Variants in FBLN2 observed in about 807,000 individuals in gnomAD.
FBLN2 encodes the protein fibulin 2.
A neutral mutation model predicts 123.7 loss-of-function variants in FBLN2; 81 were observed. The ratio of observed to expected loss-of-function variants is 0.65; its 90% CI spans 0.55 to 0.79. The LOEUF (loss-of-function observed/expected upper bound fraction) is 0.79. Among genes scored for constraint, FBLN2 ranks in the 30% least tolerant of loss-of-function variants. FBLN2 has a pLI of 0.00. For missense variants in FBLN2, 1,603 were observed against 1,681.3 expected, an observed-to-expected ratio of 0.95 and a Z score of 0.81; for synonymous variants, 699 against 701.4, an observed-to-expected ratio of 1.00 and a Z score of 0.05.
chr3:13,609,679 T>TGGTGGGGGGGGG, intron 4 of FBLN2, 37 bp downstream of exon 4: 1 of 80,284 alleles, frequency 1.2e-5, no homozygotes, highest in Non-Finnish European at 2.2e-5. Context: ...CAGGGTGGGG[T>TGGTGGGGGGGGG]GGGGCGGGGC....
chr3:13,634,388 C>T (rs912931597), intron 16 of FBLN2, among the ~76,000 whole-genome samples: 6 of 152,262 alleles, frequency 3.9e-5, no homozygotes, highest in Admixed American at 2.0e-4. Context: ...CTGACCGCCT[C>T]CCGCGAGCTT....
At chr3:13,615,375 G>A (rs1705562233) in intron 5 of FBLN2, among the ~76,000 whole-genome samples, 1 of 152,212 alleles carries the variant, frequency 6.6e-6, no homozygotes. Context: ...CTGTTCCTAT[G>A]GACCGTCATC....
chr3:13,602,253 C>T (rs369867591), intron 2 of FBLN2, among the ~76,000 whole-genome samples: 16 of 152,166 alleles, frequency 1.1e-4, no homozygotes, highest in South Asian at 6.2e-4. Flanking sequence ...ATTCAATTCC[C>T]GTATGCACAT....
chr3:13,586,667 T>TG (rs1704514812), intron 2 of FBLN2, among the ~76,000 whole-genome samples: 1 of 147,398 alleles, frequency 6.8e-6, no homozygotes, highest in African/African-American at 2.5e-5. Context: ...CCAGCTAATT[T>TG]TTTTTTTTTT....
intron 7 of FBLN2, among the ~76,000 whole-genome samples, chr3:13,619,236 G>A (rs887588781): frequency 2.0e-5 from 3 of 152,200 alleles, no homozygotes; most frequent in African/African-American, 4.8e-5. Flanking sequence ...AGGGCCTGGT[G>A]TGTGACCCCA....
chr3:13,563,713 T>G (rs926191369), intron 1 of FBLN2, among the ~76,000 whole-genome samples: 4 of 152,270 alleles, frequency 2.6e-5, no homozygotes, highest in Non-Finnish European at 5.9e-5. Context: ...GGTTGGATTC[T>G]GATGCAGCTG....
At chr3:13,578,776 C>T (rs1304592578) in intron 2 of FBLN2, among the ~76,000 whole-genome samples, 2 of 152,156 alleles carry the variant, frequency 1.3e-5, no homozygotes, top group Admixed American at 6.5e-5. Context: ...AGCCTGAGGC[C>T]GGGTGTGGTG....
chr3:13,567,346 C>T (rs1703779591), intron 1 of FBLN2, among the ~76,000 whole-genome samples: 1 of 152,154 alleles, frequency 6.6e-6, no homozygotes, highest in African/African-American at 2.4e-5. Context: ...GAGCTTGGGT[C>T]TCAGTTCACC....
At chr3:13,628,156 G>C (rs1341319653) in intron 11 of FBLN2, among the ~76,000 whole-genome samples, 187 bp downstream of exon 11, 1 of 152,242 alleles carries the variant, frequency 6.6e-6, no homozygotes, top group African/African-American at 2.4e-5. Context: ...TGTCCCCAAA[G>C]TGTAGCTGCT....
At chr3:13,569,728 C>T (rs1703862442) in intron 1 of FBLN2, among the ~76,000 whole-genome samples, 1 of 151,920 alleles carries the variant, frequency 6.6e-6, no homozygotes, top group Admixed American at 6.6e-5. Flanking sequence ...CTTGTTCTTG[C>T]CTAGCATTTC....
chr3:13,630,861 T>G (rs1276439411), intron 15 of FBLN2, 46 bp downstream of exon 15: 1 of 1,436,292 alleles, frequency 7.0e-7, no homozygotes, highest in South Asian at 1.2e-5. Flanking sequence ...AGTCACTCCT[T>G]TCCCTTGTGC....
chr3:13,607,315 GA>G (rs11425999), intron 2 of FBLN2, among the ~76,000 whole-genome samples: 1 of 151,254 alleles, frequency 6.6e-6, no homozygotes, highest in Non-Finnish European at 1.5e-5. Flanking sequence ...GTAAGCTTGA[GA>G]AAAAAAAATG....
chr3:13,627,750 G>A lies in FBLN2; in HGVS notation c.2432-82G>A, dbSNP rs1706098002. ...TGGCCATCAGGGTCATGGGTCTGAGGGCGGGGATGTGTGGGCAGGGCTGCT... is the reference window on the plus strand; with the variant it reads ...TGGCCATCAGGGTCATGGGTCTGAGAGCGGGGATGTGTGGGCAGGGCTGCT... On this transcript the variant is annotated intron_variant, in intron 10 of 17. Coordinates refer to ENST00000404922, the MANE Select transcript of FBLN2 (RefSeq NM_001004019.2). The A allele has an allele frequency of 2.2e-5, 33 of 1,477,488 alleles. No individual in the cohort carries two copies. The South Asian group carries it at 4.2e-4, about 19-fold the overall frequency. 91.5% of individuals were successfully genotyped at this position (1,477,488 alleles called of 1,614,324 possible). A position where few individuals can be genotyped will look rare whatever the true frequency, so the allele number is the denominator to read the frequency against.
chr3:13,576,121 T>G (rs764169253), intron 2 of FBLN2, among the ~76,000 whole-genome samples: 10 of 152,118 alleles, frequency 6.6e-5, no homozygotes, highest in Admixed American at 1.3e-4. Flanking sequence ...TCACCCTCAT[T>G]GCATGTGCAT....
intron 1 of FBLN2, among the ~76,000 whole-genome samples, chr3:13,565,031 G>C (rs1373240040): frequency 6.6e-6 from 1 of 152,142 alleles, no homozygotes; most frequent in Non-Finnish European, 1.5e-5. Context: ...CCTGCCCCAG[G>C]TGCCTTGTGA....
At chr3:13,630,612 G>A (rs1223076177) in intron 14 of FBLN2, 87 bp from the exon 15 acceptor site, 2 of 1,105,660 alleles carry the variant, frequency 1.8e-6, no homozygotes, top group Non-Finnish European at 2.6e-6. Flanking sequence ...CGGGGAGCTT[G>A]GTGGGCCTGG....
In FBLN2 at chr3:13,570,943, C is replaced by T. The variant is rs1446410182; in HGVS notation, c.588C>T (p.Pro196=). ...ACCCCGAGCGACACTACGAAGACCC[C>T]TACAGCTATGACCAGGAGGTGGCCG... ...EGDPERHYED[P]YSYDQEVAEV... Residue 196 remains proline (P), a synonymous_variant, in exon 2 of 18, where the codon CCC becomes CCT. Coordinates refer to ENST00000404922, the MANE Select transcript of FBLN2 (RefSeq NM_001004019.2). 5.0e-6 allele frequency: 8 copies of T among 1,612,812 alleles called. No individual in the cohort carries two copies. Among genetic ancestry groups the T allele is most frequent in the South Asian group, 1.1e-5 (1 of 90,892 alleles).
chr3:13,587,265 C>T (rs891936813), intron 2 of FBLN2, among the ~76,000 whole-genome samples: 1 of 151,540 alleles, frequency 6.6e-6, no homozygotes, highest in Non-Finnish European at 1.5e-5. Flanking sequence ...TTAAGGTAAG[C>T]GTTATTACAA....
chr3:13,596,281 G>T (rs1302038703), intron 2 of FBLN2, among the ~76,000 whole-genome samples: 1 of 152,200 alleles, frequency 6.6e-6, no homozygotes, highest in Non-Finnish European at 1.5e-5. Flanking sequence ...GGGACCACAG[G>T]TGCATGCCAC....
Sources: allele counts gnomAD v4.1 joint callset (sites outside exome capture counted in the v4.1 genomes callset), GRCh38; gene constraint gnomAD v4.1.1; transcripts MANE v1.5; gene names NCBI Gene and HGNC (gene_info 2026-07-23, HGNC 2026-07-21).